The following SLC6A6 variants were observed in gnomAD, a reference collection of about 807,000 sequenced individuals.
SLC6A6 encodes the protein solute carrier family 6 member 6.
In SLC6A6, 16 loss-of-function variants were observed where a neutral mutation model predicts 68.8. The observed-to-expected ratio is 0.23, with a 90% CI of 0.16 to 0.35. The LOEUF (loss-of-function observed/expected upper bound fraction) is 0.35. SLC6A6 is among the 10% of genes least tolerant of loss of function. The pLI is 1.00. For synonymous variants in SLC6A6, 312 were observed against 315.4 expected, an observed-to-expected ratio of 0.99 and a Z score of 0.12; for missense variants, 474 against 802.8, an observed-to-expected ratio of 0.59 and a Z score of 4.95.
At chr3:14,407,014 G>C (rs1267031927) in intron 1 of SLC6A6, among the ~76,000 whole-genome samples, 1 of 151,662 alleles carries the variant, frequency 6.6e-6, no homozygotes, top group African/African-American at 2.4e-5. Context: ...ACCTCCAGGG[G>C]GATGGAGCCT....
rs1701220722 is a variant in SLC6A6, at chr3:14,488,028, C to T, written c.*3021C>T. The T allele has an allele frequency of 6.5e-6, 1 of 152,730 alleles. No homozygotes were observed. Among genetic ancestry groups the T allele is most frequent in the African/African-American group, 2.4e-5 (1 of 41,418 alleles). The allele number at this position is 152,730 out of a possible 1,614,324, so 9.5% of individuals were successfully genotyped here. ...GTGAGCTGGGTGACTCCAGCCTCAC[C>T]TGCACACCCCAGCCCTGCACGGGGC... is the stretch of plus-strand genomic sequence containing the variant. On this transcript the variant is annotated 3_prime_UTR_variant, in exon 15 of 15. Coordinates refer to ENST00000622186, the MANE Select transcript of SLC6A6 (RefSeq NM_003043.6).
At chr3:14,459,468 C>T (rs1327307350) in intron 6 of SLC6A6, among the ~76,000 whole-genome samples, 2 of 152,120 alleles carry the variant, frequency 1.3e-5, no homozygotes, top group Non-Finnish European at 2.9e-5. Context: ...CCCCCTCCAA[C>T]ACACACAGTG....
At chr3:14,483,061 C>A (rs73817908) in intron 14 of SLC6A6, among the ~76,000 whole-genome samples, 3,511 of 152,226 alleles carry the variant, frequency 0.023, 148 homozygotes, top group African/African-American at 0.08. Flanking sequence ...TGGTGAGTGC[C>A]CAAAGCAATT....
chr3:14,406,465 G>T (rs4684216), intron 1 of SLC6A6, among the ~76,000 whole-genome samples: 1 of 152,022 alleles, frequency 6.6e-6, no homozygotes, highest in Non-Finnish European at 1.5e-5. Context: ...TCCAGGAGAC[G>T]GAGAGTCACC....
At chr3:14,443,932 C>T (rs1159769960) in intron 3 of SLC6A6, 69 bp downstream of exon 3, 1 of 1,139,218 alleles carries the variant, frequency 8.8e-7, no homozygotes, top group African/African-American at 1.5e-5. Flanking sequence ...AGGCTGGGAC[C>T]AGAGCGTGGG....
At chr3:14,467,981 G>C (rs772809486) in intron 8 of SLC6A6, 25 bp downstream of exon 8, 1 of 1,608,358 alleles carries the variant, frequency 6.2e-7, no homozygotes, top group South Asian at 1.1e-5. Context: ...GGCGGGCCTG[G>C]TGGACTTTAG....
At chr3:14,426,230 G>A (rs1387006922) in intron 2 of SLC6A6, among the ~76,000 whole-genome samples, 1 of 152,174 alleles carries the variant, frequency 6.6e-6, no homozygotes, top group African/African-American at 2.4e-5. Context: ...AGTGGTTACC[G>A]ATCCAGACTC....
intron 5 of SLC6A6, among the ~76,000 whole-genome samples, chr3:14,449,926 AT>A (rs1381293259): frequency 3.3e-5 from 5 of 151,766 alleles, no homozygotes; most frequent in Non-Finnish European, 7.4e-5. Context: ...TAATTTTTGT[AT>A]TTTTGGTAGA....
intron 6 of SLC6A6, among the ~76,000 whole-genome samples, chr3:14,462,095 G>A (rs1044083439): frequency 6.6e-6 from 1 of 152,228 alleles, no homozygotes; most frequent in African/African-American, 2.4e-5. Flanking sequence ...CCCACAGCAA[G>A]GCCTGCTGGG....
At chr3:14,464,521 G>A (rs913692320) in intron 6 of SLC6A6, among the ~76,000 whole-genome samples, 5 of 152,222 alleles carry the variant, frequency 3.3e-5, no homozygotes, top group African/African-American at 1.2e-4. Context: ...TTGTTGGGCT[G>A]AGGGCAGCTG....
At position 14,402,619 on chromosome 3, in the gene SLC6A6, T is replaced by A; in HGVS notation, c.-282T>A. 2.5e-6 allele frequency: 1 copy of A among 397,492 alleles called. No individual in the cohort carries two copies. The highest frequency in any genetic ancestry group is 4.4e-6 in the Non-Finnish European group (1 of 225,556). 24.6% of individuals were successfully genotyped at this position (397,492 alleles called of 1,614,324 possible). ...ATGGGTGATGCTGAGAGCTGCCTGC[T>A]CAGACAACAGACACGCGAGGTCAGG... On this transcript the variant is annotated 5_prime_UTR_variant, in exon 1 of 15. Transcript: ENST00000622186. This position sits in a 1 kb window ranked among gnomAD's most constrained non-coding sequence, Gnocchi z 4.8.
chr3:14,473,451 G>C (rs1574963230), intron 10 of SLC6A6, among the ~76,000 whole-genome samples: 4 of 152,260 alleles, frequency 2.6e-5, no homozygotes, highest in South Asian at 4.2e-4. Context: ...TTGCAGCCAG[G>C]GCGGGAGAAC....
intron 2 of SLC6A6, among the ~76,000 whole-genome samples, chr3:14,440,007 C>T (rs1699945129): frequency 6.6e-6 from 1 of 152,052 alleles, no homozygotes; most frequent in Non-Finnish European, 1.5e-5. Flanking sequence ...CTTTATATAC[C>T]CCAAGGCCAG....
At chr3:14,454,765 C>T (rs1335674080) in intron 5 of SLC6A6, among the ~76,000 whole-genome samples, 2 of 152,194 alleles carry the variant, frequency 1.3e-5, no homozygotes, top group African/African-American at 4.8e-5. Flanking sequence ...GCATCCCCCT[C>T]CCCCACACAG....
intron 2 of SLC6A6, chr3:14,432,807 T>C: frequency 6.6e-6 from 1 of 152,268 alleles, no homozygotes; most frequent in Non-Finnish European, 1.5e-5. Context: ...TTGGTGGCCC[T>C]CCCCAAGCTC....
intron 3 of SLC6A6, chr3:14,444,927 G>T: frequency 7.1e-6 from 3 of 422,074 alleles, no homozygotes; most frequent in South Asian, 4.8e-5. Flanking sequence ...CGCCCCCACC[G>T]GAGATGCCTA....
At chr3:14,484,054 T>C (rs1052134634) in intron 14 of SLC6A6, among the ~76,000 whole-genome samples, 1 of 152,206 alleles carries the variant, frequency 6.6e-6, no homozygotes, top group Non-Finnish European at 1.5e-5. Context: ...GAAAGAGGGC[T>C]TGTTGTTTTG....
At chr3:14,429,099 A>G (rs1436101882) in intron 2 of SLC6A6, among the ~76,000 whole-genome samples, 1 of 152,166 alleles carries the variant, frequency 6.6e-6, no homozygotes, top group Non-Finnish European at 1.5e-5. Flanking sequence ...TCAAACATGC[A>G]GGCCTCACTC....
intron 10 of SLC6A6, among the ~76,000 whole-genome samples, chr3:14,473,087 G>A (rs1034013352): frequency 8.5e-5 from 13 of 152,230 alleles, no homozygotes; most frequent in South Asian, 4.1e-4. Context: ...AGTGAGAGCC[G>A]ATGAGTGGCT....
Sources: gnomAD v4.1 joint callset for allele counts (sites outside exome capture counted in the v4.1 genomes callset) on GRCh38, gnomAD v4.1.1 for gene constraint, Gnocchi (gnomAD v3.1) non-coding constraint, MANE v1.5 for transcripts, NCBI Gene and HGNC (gene_info 2026-07-23, HGNC 2026-07-21) for gene names.